Variants in SCYL1 observed in about 807,000 individuals in gnomAD.
SCYL1 encodes SCY1 like pseudokinase 1.
A neutral mutation model predicts 94.8 loss-of-function variants in SCYL1; 85 were observed. The observed-to-expected ratio is 0.90, with a 90% CI of 0.75 to 1.07. SCYL1 has a LOEUF of 1.07. Ranked by LOEUF, SCYL1 falls within the 50% of genes least tolerant of loss-of-function variation. The pLI is 0.00. For synonymous variants in SCYL1, 459 were observed against 435.5 expected (o/e 1.05, Z -0.67); for missense variants, 968 against 1,083.3 (o/e 0.89, Z 1.49).
In SCYL1 at chr11:65,536,338, A is replaced by G; in HGVS notation, c.1651+4A>G. On this transcript the variant is annotated splice_donor_region_variant and intron_variant, in intron 12 of 17. Coordinates refer to ENST00000270176, the MANE Select transcript of SCYL1 (RefSeq NM_020680.4). ...CCGACCCAGCTGGAGGAAGTGGGTG[A>G]GTGGCTTACACTCGTGTTCCCTCTT... 6.2e-7 allele frequency: 1 copy of G among 1,613,726 alleles called. No individual in the cohort carries two copies. Among genetic ancestry groups the G allele is most frequent in the South Asian group, 1.1e-5 (1 of 91,072 alleles).
intron 6 of SCYL1, among the ~76,000 whole-genome samples, chr11:65,530,154 C>T (rs1382274997): frequency 6.6e-6 from 1 of 152,172 alleles, no homozygotes; most frequent in Non-Finnish European, 1.5e-5. Context: ...CAGGAACTTC[C>T]TGCCCAATCC....
At chr11:65,537,912 T>C (rs1855773477) in intron 15 of SCYL1, 32 bp downstream of exon 15, 2 of 1,582,098 alleles carry the variant, frequency 1.3e-6, no homozygotes. Flanking sequence ...GGTGTGTGTA[T>C]GGGGCTCTTT....
In SCYL1 at chr11:65,537,836, C is replaced by T; in HGVS notation, c.1987C>T (p.Gln663Ter). The T allele has an allele frequency of 6.4e-7, 1 of 1,571,746 alleles. No individual in the cohort carries two copies. The highest frequency in any genetic ancestry group is 8.6e-7 in the Non-Finnish European group (1 of 1,158,022). ...GGAGGCCGAGTCTGTGCTGGCCCAG[C>T]AGGACGACTGGAGCACCGGGGGCCA... The part of the protein sequence containing the change: ...EQEAESVLAQ[Q>*]DDWSTGGQVS... The change falls in exon 15 of 18, where the codon CAG becomes TAG. Residue 663 changes from glutamine to a stop codon, truncating the protein, a stop_gained. Coordinates refer to ENST00000270176, the MANE Select transcript of SCYL1 (RefSeq NM_020680.4). LOFTEE classifies it high-confidence loss of function.
Position 65,535,487 on chromosome 11 carries a change from T to C in SCYL1, c.1386+105T>C, listed in dbSNP as rs1222176874. The C allele has an allele frequency of 4.2e-6, 6 of 1,423,240 alleles. No individual in the cohort carries two copies. In the African/African-American group the frequency reaches 7.1e-5, roughly 17 times the overall value. The allele number at this position is 1,423,240 out of a possible 1,614,324, so 88.2% of individuals were successfully genotyped here. On this transcript the variant is annotated intron_variant, in intron 10 of 17. Transcript: ENST00000270176. The stretch of plus-strand genomic sequence containing the variant: ...TGGGGGCCTTCATTCTCCCAGAGAC[T>C]TAGACCCTGCACGCTGTTGGCCCCA...
At chr11:65,535,437 C>T (rs1344878064) in intron 10 of SCYL1, 55 bp downstream of exon 10, 3 of 1,594,386 alleles carry the variant, frequency 1.9e-6, no homozygotes, top group Non-Finnish European at 1.7e-6. Context: ...ACCACAGCCT[C>T]CTCCAGGGCC....
rs1316795319 is a variant in SCYL1, at chr11:65,531,672, C to T, written c.1105C>T (p.Leu369Phe). ...SSTDRAMRIR[L>F]LQQMEQFIQY... ...CACTGACCGGGCCATGCGCATCCGC[C>T]TCCTGCAGCAGGTGAGGCCTCTGTA... The change falls in exon 8 of 18, where the codon CTC (leucine) becomes TTC (phenylalanine). Residue 369 changes from leucine to phenylalanine, a missense_variant. Physicochemically the swap from Leu to Phe is conservative, Grantham distance 22. Around this residue, in one of 2 missense-constraint regions of SCYL1, gnomAD observed 494 missense variants for 619.7 expected, o/e 0.80. Transcript: ENST00000270176. 6.2e-7 allele frequency: 1 copy of T among 1,613,108 alleles called. No homozygotes were observed. The highest frequency in any genetic ancestry group is 8.5e-7 in the Non-Finnish European group (1 of 1,179,164).
intron 8 of SCYL1, among the ~76,000 whole-genome samples, chr11:65,532,426 GAAAAAAAA>G (rs398016427): frequency 1.9e-5 from 2 of 104,204 alleles, no homozygotes; most frequent in African/African-American, 3.3e-5. Context: ...CTCTGTCTCA[GAAAAAAAA>G]AAAAAAAAAA....
At position 65,526,436 on chromosome 11, in the gene SCYL1, C is replaced by G; in HGVS notation, c.602+86C>G. ...GGACTCCTAGACTAGTTGGCACTCC[C>G]CTGTTCCCTGCTGCCTGGCTGGGGA... On this transcript the variant is annotated intron_variant, in intron 4 of 17. Coordinates refer to ENST00000270176, the MANE Select transcript of SCYL1 (RefSeq NM_020680.4). The surrounding 1 kb of genome is among the most constrained non-coding windows in gnomAD (Gnocchi z 4.1). 1 of 1,079,392 alleles carries G rather than the reference C, an allele frequency of 9.3e-7. No homozygotes were observed. Among genetic ancestry groups the G allele is most frequent in the Non-Finnish European group, 1.3e-6 (1 of 752,456 alleles). The allele number at this position is 1,079,392 out of a possible 1,614,324, so 66.9% of individuals were successfully genotyped here.
At position 65,538,593 on chromosome 11, in the gene SCYL1, C is replaced by T. The variant is rs751197433; in HGVS notation, c.*27C>T. On this transcript the variant is annotated 3_prime_UTR_variant, in exon 18 of 18. Transcript: ENST00000270176. The stretch of plus-strand genomic sequence containing the variant: ...CCGTGGCGGTGGCCCTTCCCGGCTG[C>T]GGAGAGCCCGCCCCACAGATGTATT... 8.1e-6 allele frequency: 13 copies of T among 1,600,956 alleles called. No individual in the cohort carries two copies. In the Admixed American group the frequency reaches 8.4e-5, roughly 10 times the overall value.
At chr11:65,525,834 C>G in intron 2 of SCYL1, 87 bp from the exon 3 acceptor site, 1 of 1,581,160 alleles carries the variant, frequency 6.3e-7, no homozygotes, top group Non-Finnish European at 8.6e-7. Flanking sequence ...TTGGTTTCCT[C>G]TTCCCCATCT....
At chr11:65,530,906 C>T in intron 7 of SCYL1, 119 bp downstream of exon 7, 1 of 1,101,452 alleles carries the variant, frequency 9.1e-7, no homozygotes, top group Non-Finnish European at 1.3e-6. Context: ...CAGGAGCTTC[C>T]TGCCAGTGTC....
In SCYL1 at chr11:65,525,561, T is replaced by C. The variant is rs963155437; in HGVS notation, c.112-13T>C. ...GCTCTGGGACCATCTCAGGCCCCGCTGCCCTCCCCTAGGCCACAGGCAGCC... is the reference window on the plus strand; with the variant it reads ...GCTCTGGGACCATCTCAGGCCCCGCCGCCCTCCCCTAGGCCACAGGCAGCC... On this transcript the variant is annotated splice_polypyrimidine_tract_variant and intron_variant, in intron 1 of 17. Transcript: ENST00000270176. 6.2e-7 allele frequency: 1 copy of C among 1,610,440 alleles called. No individual in the cohort carries two copies. Among genetic ancestry groups the C allele is most frequent in the Non-Finnish European group, 8.5e-7 (1 of 1,179,558 alleles).
In SCYL1 at chr11:65,535,987, G is replaced by A. The variant is rs747920059; in HGVS notation, c.1421G>A (p.Arg474Gln). 5.6e-6 allele frequency: 9 copies of A among 1,610,640 alleles called. No individual in the cohort carries two copies. The African/African-American group carries it at 6.7e-5, about 12-fold the overall frequency. The stretch of plus-strand genomic sequence containing the variant: ...AGGGTCCTTACCTCTGCCTTCAGCC[G>A]AGCCACTAGGGACCCGTTTGCACCG... ...RHRVLTSAFS[R>Q]ATRDPFAPSR... Residue 474 changes from arginine (R) to glutamine (Q), a missense_variant, in exon 11 of 18, where the codon CGA (arginine) becomes CAA (glutamine). Arg to Gln is a conservative substitution (Grantham distance 43). Coordinates refer to ENST00000270176, the MANE Select transcript of SCYL1 (RefSeq NM_020680.4).
chr11:65,536,603 G>A lies in SCYL1; in HGVS notation c.1669G>A (p.Ala557Thr), dbSNP rs1161916664. ...LEEVEKDVHA[A>T]SSPGMGGAAA... ...CTGCCCAGAGAAGGATGTCCATGCA[G>A]CCTCCAGCCCTGGCATGGGAGGAGC... The change falls in exon 13 of 18, where the codon GCC becomes ACC. Residue 557 changes from alanine to threonine, a missense_variant. By Grantham distance (58) the Ala-to-Thr change is moderately conservative. Around this residue, in one of 2 missense-constraint regions of SCYL1, gnomAD observed 474 missense variants for 463.6 expected, o/e 1.02. Transcript: ENST00000270176. The A allele has an allele frequency of 1.9e-6, 3 of 1,613,976 alleles. No individual in the cohort carries two copies. The highest frequency in any genetic ancestry group is 1.7e-6 in the Non-Finnish European group (2 of 1,179,984).
chr11:65,535,651 G>A (rs1054392679), intron 10 of SCYL1: 12 of 590,456 alleles, frequency 2.0e-5, no homozygotes, highest in Non-Finnish European at 2.7e-5. Context: ...GTTGCTTGCC[G>A]TGCCCAGACA....
At chr11:65,532,124 A>G (rs1143756) in intron 8 of SCYL1, among the ~76,000 whole-genome samples, 47,905 of 152,038 alleles carry the variant, frequency 0.32, 8,507 homozygotes, top group African/African-American at 0.48. Flanking sequence ...TGATACCCTC[A>G]TTTATAGAAG....
chr11:65,536,171 C>T (rs1466090887), intron 11 of SCYL1, 30 bp downstream of exon 11: 1 of 1,608,872 alleles, frequency 6.2e-7, no homozygotes, highest in South Asian at 1.1e-5. Flanking sequence ...GGGCCCTGGG[C>T]TGGGGCTGTA....
At chr11:65,536,396 T>C in intron 12 of SCYL1, 62 bp downstream of exon 12, 1 of 1,558,780 alleles carries the variant, frequency 6.4e-7, no homozygotes, top group Non-Finnish European at 8.8e-7. Flanking sequence ...GACCTGTTTG[T>C]GTCCCACCCC....
intron 9 of SCYL1, 101 bp downstream of exon 9, chr11:65,532,906 C>CCA: frequency 1.2e-6 from 1 of 836,720 alleles, no homozygotes; most frequent in Non-Finnish European, 2.0e-6. Context: ...TGGGTCCAAG[C>CCA]AGACACTGTC....
Sources: gnomAD v4.1 joint callset for allele counts (sites outside exome capture counted in the v4.1 genomes callset) on GRCh38, gnomAD v4.1.1 for gene constraint, gnomAD v4.1.1 regional missense constraint, Gnocchi (gnomAD v3.1) non-coding constraint, MANE v1.5 for transcripts, NCBI Gene and HGNC (gene_info 2026-07-23, HGNC 2026-07-21) for gene names.